Variants in GRIK3 observed in about 807,000 individuals in gnomAD.
GRIK3 encodes the protein glutamate ionotropic receptor kainate type subunit 3.
A neutral mutation model predicts 102.5 loss-of-function variants in GRIK3; 29 were observed. The ratio of observed to expected loss-of-function variants is 0.28; its 90% CI spans 0.21 to 0.39. The LOEUF (loss-of-function observed/expected upper bound fraction) is 0.39, where lower values mean the gene tolerates loss of function less well. GRIK3 is among the 10% of genes least tolerant of loss of function. The probability of loss-of-function intolerance (pLI) is 1.00; values close to 1 mark genes in which losing one functional copy is unlikely to be tolerated. For synonymous variants in GRIK3, 511 were observed against 504.9 expected, an observed-to-expected ratio of 1.01 and a Z score of -0.16; for missense variants, 908 against 1,252.4, an observed-to-expected ratio of 0.73 and a Z score of 4.15.
intron 1 of GRIK3, among the ~76,000 whole-genome samples, chr1:36,936,689 C>T (rs1641660882): frequency 6.6e-6 from 1 of 152,182 alleles, no homozygotes; most frequent in South Asian, 2.1e-4. Context: ...CTTCTCCTCC[C>T]ACGGGGATGT....
chr1:36,940,276 G>T (rs1641704489), intron 1 of GRIK3, among the ~76,000 whole-genome samples: 2 of 152,202 alleles, frequency 1.3e-5, no homozygotes, highest in Admixed American at 1.3e-4. Context: ...GGCCCTGGTA[G>T]CCCCACAGAG....
intron 1 of GRIK3, among the ~76,000 whole-genome samples, chr1:36,958,060 C>T (rs1319669442): frequency 1.0e-4 from 13 of 126,566 alleles, no homozygotes; most frequent in East Asian, 2.6e-4. Context: ...ATCTTTGCTC[C>T]GTGAGCCTGT....
intron 1 of GRIK3, among the ~76,000 whole-genome samples, chr1:36,981,571 C>T (rs562514897): frequency 2.0e-5 from 3 of 152,144 alleles, no homozygotes; most frequent in African/African-American, 4.8e-5. Flanking sequence ...AATTTGTCTA[C>T]AGCACATAGC....
intron 1 of GRIK3, among the ~76,000 whole-genome samples, chr1:37,031,828 C>A (rs1642831732): frequency 6.6e-6 from 1 of 152,188 alleles, no homozygotes; most frequent in Non-Finnish European, 1.5e-5. Context: ...ACTGTAGCTC[C>A]CTGGCTCCAG....
At chr1:36,865,031 C>T (rs1241639749) in intron 5 of GRIK3, among the ~76,000 whole-genome samples, 1 of 152,206 alleles carries the variant, frequency 6.6e-6, no homozygotes, top group Non-Finnish European at 1.5e-5. Context: ...AATTCATTAG[C>T]ACCCCATGGG....
At chr1:36,952,081 T>C (rs186107045) in intron 1 of GRIK3, among the ~76,000 whole-genome samples, 1 of 151,878 alleles carries the variant, frequency 6.6e-6, no homozygotes, top group African/African-American at 2.4e-5. Context: ...AGCAAGGGAA[T>C]GTGATTTTCC....
chr1:36,883,498 C>T (rs1641005872), intron 2 of GRIK3, among the ~76,000 whole-genome samples: 1 of 152,226 alleles, frequency 6.6e-6, no homozygotes, highest in South Asian at 2.1e-4. Context: ...AGTGCACCTC[C>T]TGCAAGTATG....
chr1:36,933,819 C>A (rs192352830), intron 1 of GRIK3, among the ~76,000 whole-genome samples: 221 of 152,272 alleles, frequency 1.5e-3, no homozygotes, highest in Middle Eastern at 6.8e-3. Context: ...GCTGGGTAGA[C>A]CAGGTAAGTC....
chr1:36,833,216 T>A (rs1205139281), intron 10 of GRIK3, among the ~76,000 whole-genome samples: 2 of 152,016 alleles, frequency 1.3e-5, no homozygotes, highest in African/African-American at 2.4e-5. Flanking sequence ...TGGCGTCGGG[T>A]CTCCTGCACT....
chr1:36,909,731 G>A (rs1641325331), intron 1 of GRIK3, among the ~76,000 whole-genome samples: 2 of 152,090 alleles, frequency 1.3e-5, no homozygotes, highest in African/African-American at 4.8e-5. Context: ...GAAAACCACT[G>A]CTCAAATCTA....
intron 1 of GRIK3, among the ~76,000 whole-genome samples, chr1:36,967,273 G>T (rs1334142460): frequency 6.6e-6 from 1 of 152,198 alleles, no homozygotes; most frequent in East Asian, 1.9e-4. Flanking sequence ...AGACCAGGGG[G>T]TATGTGCACC....
intron 10 of GRIK3, among the ~76,000 whole-genome samples, chr1:36,841,317 C>T (rs534031749): frequency 3.2e-4 from 48 of 152,304 alleles, no homozygotes; most frequent in Middle Eastern, 3.4e-3. Flanking sequence ...AATGCAGTGA[C>T]GGGTTTCTCT....
At chr1:36,875,378 C>T (rs537195923) in intron 3 of GRIK3, among the ~76,000 whole-genome samples, 1 of 152,342 alleles carries the variant, frequency 6.6e-6, no homozygotes, top group South Asian at 2.1e-4. Flanking sequence ...AGCCATTCTC[C>T]TTGGGGGAGA....
At chr1:36,964,667 T>C (rs1182376195) in intron 1 of GRIK3, among the ~76,000 whole-genome samples, 1 of 152,214 alleles carries the variant, frequency 6.6e-6, no homozygotes, top group Non-Finnish European at 1.5e-5. Context: ...CCCAAGACCA[T>C]GCCCACAGTG....
At position 36,799,736 on chromosome 1, in the gene GRIK3, A is replaced by G. The variant is rs1264439727; in HGVS notation, c.*2115T>C. 6.6e-6 allele frequency: 1 copy of G among 152,018 alleles called. No homozygotes were observed. Among genetic ancestry groups the G allele is most frequent in the East Asian group, 1.9e-4 (1 of 5,184 alleles). The allele number at this position is 152,018 out of a possible 1,614,324, so 9.4% of individuals were successfully genotyped here. A position where few individuals can be genotyped will look rare whatever the true frequency, so the allele number is the denominator to read the frequency against. On this transcript the variant is annotated 3_prime_UTR_variant, in exon 16 of 16. Coordinates refer to ENST00000373091, the MANE Select transcript of GRIK3 (RefSeq NM_000831.4). ...TATATGGGGCCTTGCTGCTTCACAT[A>G]TTTGTCTCCCTCGTCCCCAATTCAC... is the stretch of plus-strand genomic sequence containing the variant.
intron 9 of GRIK3, among the ~76,000 whole-genome samples, chr1:36,849,307 C>T (rs1640554217): frequency 6.6e-6 from 1 of 152,168 alleles, no homozygotes; most frequent in Non-Finnish European, 1.5e-5. Context: ...ATCTGAGCAC[C>T]GTGGAAGGGG....
chr1:36,817,343 G>A, intron 12 of GRIK3, 66 bp from the exon 13 acceptor site: 2 of 1,062,464 alleles, frequency 1.9e-6, no homozygotes, highest in Non-Finnish European at 2.9e-6. Context: ...AAGTCCCCTG[G>A]GTCATGGATT....
At chr1:36,866,674 A>G (rs970028271) in intron 5 of GRIK3, among the ~76,000 whole-genome samples, 4 of 152,250 alleles carry the variant, frequency 2.6e-5, no homozygotes, top group Admixed American at 6.5e-5. Context: ...ACCACTGTAT[A>G]GATGAGAAAA....
At chr1:37,000,806 C>T (rs1220802966) in intron 1 of GRIK3, among the ~76,000 whole-genome samples, 1 of 152,162 alleles carries the variant, frequency 6.6e-6, no homozygotes, top group Non-Finnish European at 1.5e-5. Flanking sequence ...CTGGAAATCA[C>T]AGTGGGAGAA....
Sources: allele counts gnomAD v4.1 joint callset (sites outside exome capture counted in the v4.1 genomes callset), GRCh38; gene constraint gnomAD v4.1.1; transcripts MANE v1.5; gene names NCBI Gene and HGNC (gene_info 2026-07-23, HGNC 2026-07-21).